FAM177A1: variants seen among roughly 807,000 people sequenced by gnomAD.
FAM177A1 encodes the protein protein FAM177A1.
Under a neutral mutation model 26.1 loss-of-function variants are expected in FAM177A1, and 22 were observed. The ratio of observed to expected loss-of-function variants is 0.84; its 90% confidence interval spans 0.60 to 1.20. The LOEUF is 1.20. Among genes scored for constraint, FAM177A1 ranks in the 50% most tolerant of loss-of-function variants. The probability of loss-of-function intolerance (pLI) is 0.00; values close to 1 mark genes in which losing one functional copy is unlikely to be tolerated. For synonymous variants in FAM177A1, 95 were observed against 99.3 expected, an observed-to-expected ratio of 0.96 and a Z score of 0.26; for missense variants, 296 against 291.1, an observed-to-expected ratio of 1.02 and a Z score of -0.12.
chr14:35,077,049 A>G, intron 2 of FAM177A1, 101 bp from the exon 3 acceptor site: 1 of 877,688 alleles, frequency 1.1e-6, no homozygotes, highest in Non-Finnish European at 1.9e-6. Flanking sequence ...CTGCCTATAG[A>G]ATATTCTCGG....
chr14:35,067,006 A>G (rs1595049927), intron 2 of FAM177A1, among the ~76,000 whole-genome samples: 1 of 151,902 alleles, frequency 6.6e-6, no homozygotes, highest in Non-Finnish European at 1.5e-5. Context: ...TGGTCAGGCT[A>G]GTCTCAAACT....
intron 1 of FAM177A1, among the ~76,000 whole-genome samples, chr14:35,049,127 GAT>G (rs1053113515): frequency 5.9e-5 from 9 of 152,078 alleles, no homozygotes; most frequent in Admixed American, 2.6e-4. Flanking sequence ...CTGACCTTGT[GAT>G]CCACCTGCTG....
Position 35,081,339 on chromosome 14 carries a change from T to C in FAM177A1, c.*111T>C. ...TACAATTATTTATATTTTAAATTAT[T>C]AAAGTATCTGGAAAGGGAAAATGTT... On this transcript the variant is annotated 3_prime_UTR_variant, in exon 5 of 5. Transcript: ENST00000280987. 1 of 1,057,410 alleles carries C rather than the reference T, an allele frequency of 9.5e-7. No individual in the cohort carries two copies. Among genetic ancestry groups the C allele is most frequent in the Non-Finnish European group, 1.3e-6 (1 of 772,372 alleles). 65.5% of individuals were successfully genotyped at this position (1,057,410 alleles called of 1,614,324 possible). A position where few individuals can be genotyped will look rare whatever the true frequency, so the allele number is the denominator to read the frequency against.
intron 1 of FAM177A1, among the ~76,000 whole-genome samples, chr14:35,051,332 C>CT (rs909861191): frequency 2.0e-5 from 3 of 152,052 alleles, no homozygotes; most frequent in African/African-American, 7.2e-5. Context: ...GTTGGCCGGG[C>CT]TGGTCTCCAA....
At chr14:35,048,889 T>TTG (rs1463735845) in intron 1 of FAM177A1, among the ~76,000 whole-genome samples, 1 of 149,718 alleles carries the variant, frequency 6.7e-6, no homozygotes, top group Non-Finnish European at 1.5e-5. Context: ...TGTTGTGACA[T>TTG]TCTTTTTTTT....
chr14:35,048,746 T>A (rs1046995412), intron 1 of FAM177A1, among the ~76,000 whole-genome samples: 1 of 151,944 alleles, frequency 6.6e-6, no homozygotes, highest in Non-Finnish European at 1.5e-5. Flanking sequence ...TCTCAGGAGA[T>A]GGAGAGGCCT....
In FAM177A1 at chr14:35,081,949, GGTTAT is replaced by G. The variant is rs56660327; in HGVS notation, c.*727_*731del. ...CTAGTGAATATCCATGTGGCATCCTGGTTATGTTATCGGTTCAGCGTTAATCCTAT... is the reference window on the plus strand; with the variant it reads ...CTAGTGAATATCCATGTGGCATCCTGGTTATCGGTTCAGCGTTAATCCTAT... On this transcript the variant is annotated 3_prime_UTR_variant, in exon 5 of 5. Coordinates refer to ENST00000280987, the MANE Select transcript of FAM177A1 (RefSeq NM_173607.5). 28,110 of 151,994 alleles carry G rather than the reference GGTTAT, an allele frequency of 0.18. 2,669 individuals carry two copies. The highest frequency in any genetic ancestry group is 0.36 in the East Asian group (1,875 of 5,152). 9.4% of individuals were successfully genotyped at this position (151,994 alleles called of 1,614,324 possible). A position where few individuals can be genotyped will look rare whatever the true frequency, so the allele number is the denominator to read the frequency against.
Position 35,083,323 on chromosome 14 carries a change from C to T in FAM177A1, c.*2095C>T, listed in dbSNP as rs1409929354. 1 of 152,662 alleles carries T rather than the reference C, an allele frequency of 6.6e-6. No homozygotes were observed. Among genetic ancestry groups the T allele is most frequent in the African/African-American group, 2.4e-5 (1 of 41,466 alleles). 9.5% of individuals were successfully genotyped at this position (152,662 alleles called of 1,614,324 possible). A position where few individuals can be genotyped will look rare whatever the true frequency, so the allele number is the denominator to read the frequency against. Reference sequence around the variant, plus strand: ...TTATGTTTATCAATATAGTTATTCACTGTGCCTTAAGTTTATACTTTGTTT... The same window carrying T: ...TTATGTTTATCAATATAGTTATTCATTGTGCCTTAAGTTTATACTTTGTTT... On this transcript the variant is annotated 3_prime_UTR_variant, in exon 5 of 5. Coordinates refer to ENST00000280987, the MANE Select transcript of FAM177A1 (RefSeq NM_173607.5).
chr14:35,068,067 G>A (rs1188001285), intron 2 of FAM177A1, among the ~76,000 whole-genome samples: 1 of 152,110 alleles, frequency 6.6e-6, no homozygotes, highest in African/African-American at 2.4e-5. Flanking sequence ...TGTTGCCTGA[G>A]CTTTTGGGGT....
chr14:35,045,581 C>T (rs986420436), upstream of FAM177A1, among the ~76,000 whole-genome samples: 3 of 152,112 alleles, frequency 2.0e-5, no homozygotes, highest in African/African-American at 2.4e-5. Context: ...GGTTTTGCCC[C>T]CTACATATTT....
intron 2 of FAM177A1, among the ~76,000 whole-genome samples, chr14:35,055,302 T>TAA (rs768167607): frequency 7.7e-6 from 1 of 129,256 alleles, no homozygotes; most frequent in Non-Finnish European, 1.6e-5. Flanking sequence ...AAACTCCATC[T>TAA]AAAAAAAAAA....
At chr14:35,072,013 A>G (rs1043448860) in intron 2 of FAM177A1, among the ~76,000 whole-genome samples, 24 of 152,198 alleles carry the variant, frequency 1.6e-4, no homozygotes, top group African/African-American at 5.5e-4. Context: ...GTGGTGGCTC[A>G]TGCCTGTAAT....
intron 2 of FAM177A1, among the ~76,000 whole-genome samples, chr14:35,066,343 C>T (rs928657163): frequency 6.6e-6 from 1 of 151,666 alleles, no homozygotes; most frequent in Non-Finnish European, 1.5e-5. Flanking sequence ...GCTGGGATTA[C>T]AAGCATGAGT....
At chr14:35,059,010 A>G (rs996432398) in intron 2 of FAM177A1, among the ~76,000 whole-genome samples, 2 of 151,928 alleles carry the variant, frequency 1.3e-5, no homozygotes, top group East Asian at 3.9e-4. Context: ...ATCTCGGCTC[A>G]CTGCAAGCTC....
At chr14:35,048,884 T>C (rs2044917702) in intron 1 of FAM177A1, among the ~76,000 whole-genome samples, 1 of 150,654 alleles carries the variant, frequency 6.6e-6, no homozygotes, top group African/African-American at 2.4e-5. Context: ...GTACCTGTTG[T>C]GACATTCTTT....
At chr14:35,063,113 A>G (rs1453944329) in intron 2 of FAM177A1, among the ~76,000 whole-genome samples, 1 of 146,558 alleles carries the variant, frequency 6.8e-6, no homozygotes, top group Non-Finnish European at 1.5e-5. Context: ...GTGAGCCAAG[A>G]TCGCGCCACT....
intron 2 of FAM177A1, among the ~76,000 whole-genome samples, chr14:35,056,827 C>T (rs1044287874): frequency 6.6e-6 from 1 of 151,984 alleles, no homozygotes; most frequent in Non-Finnish European, 1.5e-5. Flanking sequence ...GGAATTTGTC[C>T]ATTTTATCTG....
chr14:35,046,881 C>T (rs1477760581), intron 1 of FAM177A1: 3 of 1,306,096 alleles, frequency 2.3e-6, no homozygotes, highest in African/African-American at 1.5e-5. Flanking sequence ...GGGTGATAGT[C>T]CAGCTTCTGG....
At chr14:35,047,457 G>C (rs12885486) in intron 1 of FAM177A1, among the ~76,000 whole-genome samples, 1 of 152,164 alleles carries the variant, frequency 6.6e-6, no homozygotes, top group Non-Finnish European at 1.5e-5. Context: ...CGCTGGTTTA[G>C]AGAGTTAACG....
Sources: gnomAD v4.1 joint callset for allele counts (sites outside exome capture counted in the v4.1 genomes callset) on GRCh38, gnomAD v4.1.1 for gene constraint, MANE v1.5 for transcripts, NCBI Gene and HGNC (gene_info 2026-07-23, HGNC 2026-07-21) for gene names.